The following ASB16 variants were observed in gnomAD, a reference collection of about 807,000 sequenced individuals.
ASB16 encodes ankyrin repeat and SOCS box protein 16.
In ASB16, 44 loss-of-function variants were observed where a neutral mutation model predicts 39.1. The observed-to-expected ratio is 1.13, with a 90% CI of 0.88 to 1.45. ASB16 has a LOEUF of 1.45. ASB16 is among the 40% of genes most tolerant of loss of function. ASB16 has a pLI of 0.00. For missense variants in ASB16, 698 were observed against 634.5 expected, an observed-to-expected ratio of 1.10 and a Z score of -1.07; for synonymous variants, 305 against 286.7, an observed-to-expected ratio of 1.06 and a Z score of -0.64.
chr17:44,177,747 G>A (rs577810555), intron 4 of ASB16, 25 bp downstream of exon 4: 3 of 1,609,446 alleles, frequency 1.9e-6, no homozygotes, highest in Non-Finnish European at 2.5e-6. Flanking sequence ...GGGCCGAGAT[G>A]GGGAGGAGGG....
intron 4 of ASB16, 169 bp downstream of exon 4, chr17:44,177,891 C>G: frequency 1.1e-6 from 1 of 873,828 alleles, no homozygotes. Flanking sequence ...CAGGCTGACC[C>G]CTAACTCCAC....
chr17:44,170,759 G>A lies in ASB16; in HGVS notation c.-31G>A, dbSNP rs779630328. 1.9e-6 allele frequency: 3 copies of A among 1,549,250 alleles called. No individual in the cohort carries two copies. The highest frequency in any genetic ancestry group is 3.8e-5 in the Admixed American group (2 of 52,672). On this transcript the variant is annotated 5_prime_UTR_variant, in exon 1 of 5. The change creates a new upstream start codon in the 5' untranslated region. Transcript: ENST00000293414. ...GTCGAGGGAACCTGGCTCTGCCCAGGTGCCACTGCCCAAACCCCTGGGCCC... is the reference window on the plus strand; with the variant it reads ...GTCGAGGGAACCTGGCTCTGCCCAGATGCCACTGCCCAAACCCCTGGGCCC...
intron 1 of ASB16, 22 bp downstream of exon 1, chr17:44,171,112 C>A: frequency 6.3e-7 from 1 of 1,599,288 alleles, no homozygotes; most frequent in Non-Finnish European, 8.5e-7. Context: ...CAGAAGAGGG[C>A]AGAAGAGGAG....
chr17:44,177,346 C>T (rs771282772), intron 3 of ASB16, 116 bp downstream of exon 3: 18 of 1,374,056 alleles, frequency 1.3e-5, no homozygotes, highest in Non-Finnish European at 1.7e-5. Context: ...CCCTCAGTGG[C>T]CAGGGGGCTG....
At position 44,178,693 on chromosome 17, in the gene ASB16, C is replaced by CT. The variant is rs2054336258; in HGVS notation, c.*303_*304insT. 1 of 391,666 alleles carries CT rather than the reference C, an allele frequency of 2.6e-6. No homozygotes were observed. Among genetic ancestry groups the CT allele is most frequent in the African/African-American group, 2.1e-5 (1 of 48,074 alleles). 24.3% of individuals were successfully genotyped at this position (391,666 alleles called of 1,614,324 possible). A position where few individuals can be genotyped will look rare whatever the true frequency, so the allele number is the denominator to read the frequency against. On this transcript the variant is annotated 3_prime_UTR_variant, in exon 5 of 5. Transcript: ENST00000293414. ...CACCATGTTGGCCAGGCTGGTCTCA[C>CT]ACTGACCTCAGGTGATCCACCCGCC...
At position 44,171,303 on chromosome 17, in the gene ASB16, C is replaced by T. The variant is rs142844262; in HGVS notation, c.301+213C>T. ...AAAGTTGACCGGGCACAGTGGCTCA[C>T]GCCTGTAATCCCAGCACTTTGGGAG... On this transcript the variant is annotated intron_variant, in intron 1 of 4. Coordinates refer to ENST00000293414, the MANE Select transcript of ASB16 (RefSeq NM_080863.5). Among the ~76,000 whole-genome samples the T allele has an allele frequency of 2.4e-4, 36 of 152,230 alleles. No homozygotes were observed. The East Asian group carries it at 6.2e-3, about 26-fold the overall frequency.
At chr17:44,177,760 G>C in intron 4 of ASB16, 38 bp downstream of exon 4, 1 of 1,605,418 alleles carries the variant, frequency 6.2e-7, no homozygotes, top group Non-Finnish European at 8.5e-7. Context: ...GAGGAGGGAC[G>C]AGCCACAGGC....
intron 2 of ASB16, among the ~76,000 whole-genome samples, chr17:44,175,742 T>G (rs1191822831): frequency 6.6e-6 from 1 of 152,238 alleles, no homozygotes; most frequent in Admixed American, 6.5e-5. Context: ...TATGTAAGGA[T>G]GCATGTTTGC....
Position 44,177,081 on chromosome 17 carries a change from C to A in ASB16, c.913C>A (p.Arg305Ser). Residue 305 changes from arginine (R) to serine (S), a missense_variant, in exon 3 of 5, where the codon CGT becomes AGT. Coordinates refer to ENST00000293414, the MANE Select transcript of ASB16 (RefSeq NM_080863.5). ...GCGGLAELLL[R>S]YGARAEVPNG... is the part of the protein sequence containing the mutation. ...CGGGGGCCTGGCCGAGCTGCTGCTG[C>A]GTTACGGGGCCCGCGCTGAGGTCCC... 1 of 1,473,788 alleles carries A rather than the reference C, an allele frequency of 6.8e-7. No individual in the cohort carries two copies. The highest frequency in any genetic ancestry group is 2.6e-5 in the Admixed American group (1 of 38,106). 91.3% of individuals were successfully genotyped at this position (1,473,788 alleles called of 1,614,324 possible).
rs771202055 is a variant in ASB16 at position 44,172,127 on chromosome 17, G to A, written c.383G>A (p.Arg128Gln). The change falls in exon 2 of 5, where the codon CGA (arginine) becomes CAA (glutamine). Residue 128 changes from arginine (R) to glutamine (Q), a missense_variant. Physicochemically the swap from Arg to Gln is conservative, Grantham distance 43. Coordinates refer to ENST00000293414, the MANE Select transcript of ASB16 (RefSeq NM_080863.5). ...ATARGYTDCA[R>Q]HLIRQGAELD... is the part of the protein sequence containing the mutation. ...GCCCGAGGCTACACAGACTGTGCTC[G>A]ACACCTGATCCGGCAGGGAGCTGAG... 46 of 1,611,428 alleles carry A rather than the reference G, an allele frequency of 2.9e-5. No individual in the cohort carries two copies. The East Asian group carries it at 7.4e-4, about 26-fold the overall frequency.
rs770479254 is a variant in ASB16 at position 44,170,972 on chromosome 17, C to T, written c.183C>T (p.Val61=). The stretch of plus-strand genomic sequence containing the variant: ...ACCGTTCCTGCCGAGACCCAGCTGT[C>T]CACCAAGCCCTCTTCTCCGGCAACC... ...RPHRSCRDPA[V]HQALFSGNLQ... Residue 61 remains valine, a synonymous_variant, in exon 1 of 5, where the codon GTC becomes GTT. Coordinates refer to ENST00000293414, the MANE Select transcript of ASB16 (RefSeq NM_080863.5). 1.3e-5 allele frequency: 21 copies of T among 1,613,834 alleles called. No homozygotes were observed. In the East Asian group the frequency reaches 4.2e-4, roughly 33 times the overall value.
intron 2 of ASB16, among the ~76,000 whole-genome samples, chr17:44,174,126 G>A (rs963465213): frequency 1.4e-5 from 2 of 142,362 alleles, no homozygotes; most frequent in Admixed American, 7.6e-5. Context: ...TGCAAGCTCC[G>A]CCTCCCGGGT....
intron 2 of ASB16, chr17:44,176,222 G>A (rs534677080): frequency 2.6e-4 from 42 of 162,662 alleles, no homozygotes; most frequent in African/African-American, 9.9e-4. Context: ...GCCAGGTGTG[G>A]TGCTGCCCAC....
Position 44,176,961 on chromosome 17 carries a change from G to C in ASB16, c.793G>C (p.Ala265Pro). The C allele has an allele frequency of 6.7e-7, 1 of 1,489,014 alleles. No individual in the cohort carries two copies. Among genetic ancestry groups the C allele is most frequent in the Non-Finnish European group, 8.8e-7 (1 of 1,132,178 alleles). The allele number at this position is 1,489,014 out of a possible 1,614,324, so 92.2% of individuals were successfully genotyped here. A position where few individuals can be genotyped will look rare whatever the true frequency, so the allele number is the denominator to read the frequency against. ...CCCAGGTAGCTGCAGGCGACACCAG[G>C]CTGCGGCGCGCCGGCTCCTGGAGGC... ...EGPGSCRRHQ[A>P]AARRLLEAGA... The change falls in exon 3 of 5, where the codon GCT becomes CCT. Residue 265 changes from alanine (A) to proline (P), a missense_variant. Transcript: ENST00000293414.
intron 3 of ASB16, 189 bp from the exon 4 acceptor site, chr17:44,177,420 A>T: frequency 1.7e-6 from 2 of 1,149,620 alleles, no homozygotes; most frequent in Non-Finnish European, 2.4e-6. Flanking sequence ...GAAGAGCCCC[A>T]GAGGAAAACT....
intron 2 of ASB16, among the ~76,000 whole-genome samples, chr17:44,172,529 C>G (rs534396686): frequency 3.9e-5 from 6 of 152,184 alleles, no homozygotes; most frequent in Non-Finnish European, 8.8e-5. Flanking sequence ...GTCACATCTG[C>G]TAAGCCCAGG....
At chr17:44,174,340 C>T (rs1208837884) in intron 2 of ASB16, among the ~76,000 whole-genome samples, 8 of 152,194 alleles carry the variant, frequency 5.3e-5, no homozygotes, top group South Asian at 2.1e-4. Flanking sequence ...CCACCGCGCC[C>T]GGCCCAACTG....
At chr17:44,174,328 A>G (rs2054269107) in intron 2 of ASB16, among the ~76,000 whole-genome samples, 1 of 152,002 alleles carries the variant, frequency 6.6e-6, no homozygotes, top group Non-Finnish European at 1.5e-5. Flanking sequence ...TACAGGCGTG[A>G]GCCACCGCGC....
chr17:44,177,165 A>C lies in ASB16; in HGVS notation c.997A>C (p.Asn333His). The C allele has an allele frequency of 6.5e-7, 1 of 1,530,404 alleles. No individual in the cohort carries two copies. Among genetic ancestry groups the C allele is most frequent in the Admixed American group, 2.1e-5 (1 of 48,580 alleles). The allele number at this position is 1,530,404 out of a possible 1,614,324, so 94.8% of individuals were successfully genotyped here. A position where few individuals can be genotyped will look rare whatever the true frequency, so the allele number is the denominator to read the frequency against. Residue 333 changes from asparagine to histidine, a missense_variant, in exon 3 of 5, where the codon AAC becomes CAC. Asn to His is a moderately conservative substitution (Grantham distance 68). Transcript: ENST00000293414. Reference protein sequence around the residue: ...CALQAVQDSPNWEPEVLFAAL... With the variant: ...CALQAVQDSPHWEPEVLFAAL... ...GCTGCAGGCCGTCCAGGACTCCCCCAACTGGGAGCCTGAAGTCCTTTTCGC... is the reference window on the plus strand; with the variant it reads ...GCTGCAGGCCGTCCAGGACTCCCCCCACTGGGAGCCTGAAGTCCTTTTCGC...
Sources: gnomAD v4.1 joint callset for allele counts (sites outside exome capture counted in the v4.1 genomes callset) on GRCh38, gnomAD v4.1.1 for gene constraint, MANE v1.5 for transcripts, NCBI Gene and HGNC (gene_info 2026-07-23, HGNC 2026-07-21) for gene names.